ELOVL6: variants seen among roughly 807,000 people sequenced by gnomAD.
The protein encoded by ELOVL6 is very long chain fatty acid elongase 6.
In ELOVL6, 8 loss-of-function variants were observed where a neutral mutation model predicts 31.7. The ratio of observed to expected loss-of-function variants is 0.25; its 90% CI spans 0.15 to 0.45. The LOEUF is 0.45. ELOVL6 is among the 20% of genes least tolerant of loss of function. The probability of loss-of-function intolerance (pLI) is 1.00; values close to 1 mark genes in which losing one functional copy is unlikely to be tolerated. For synonymous variants in ELOVL6, 101 were observed against 117.7 expected, an observed-to-expected ratio of 0.86 and a Z score of 0.92; for missense variants, 126 against 326.4, an observed-to-expected ratio of 0.39 and a Z score of 4.73.
chr4:110,160,085 G>A (rs144024755), intron 1 of ELOVL6, among the ~76,000 whole-genome samples: 37 of 151,882 alleles, frequency 2.4e-4, no homozygotes, highest in Non-Finnish European at 5.0e-4. Flanking sequence ...ATGAGGGTTT[G>A]CTTACAACTT....
chr4:110,135,086 T>G (rs1284565070), intron 1 of ELOVL6, among the ~76,000 whole-genome samples: 1 of 152,196 alleles, frequency 6.6e-6, no homozygotes, highest in Non-Finnish European at 1.5e-5. Context: ...GAACCTAGGA[T>G]ATTCTTCCTT....
chr4:110,174,921 A>G (rs1759054220), intron 1 of ELOVL6, among the ~76,000 whole-genome samples: 1 of 152,158 alleles, frequency 6.6e-6, no homozygotes, highest in Non-Finnish European at 1.5e-5. Flanking sequence ...TATCCTATGT[A>G]TTAACTAATC....
At chr4:110,146,409 A>C (rs1452106663) in intron 1 of ELOVL6, 1 of 152,312 alleles carries the variant, frequency 6.6e-6, no homozygotes, top group Non-Finnish European at 1.5e-5. Context: ...ACCCAGAAAA[A>C]ATCATGCAAA....
chr4:110,097,304 C>CGAA (rs1756609419), intron 2 of ELOVL6, among the ~76,000 whole-genome samples: 1 of 63,924 alleles, frequency 1.6e-5, no homozygotes, highest in Non-Finnish European at 2.7e-5. Flanking sequence ...GACTCCATCT[C>CGAA]CAAAAAAAAA....
chr4:110,125,499 AAAGT>A (rs1194801529), intron 1 of ELOVL6, among the ~76,000 whole-genome samples: 1 of 152,102 alleles, frequency 6.6e-6, no homozygotes, highest in Non-Finnish European at 1.5e-5. Flanking sequence ...AAATTAATAA[AAAGT>A]AATTTTCTTT....
rs147807788 is a variant in ELOVL6, at chr4:110,101,198, C to T, written c.221+4299G>A. On this transcript the variant is annotated intron_variant, in intron 2 of 3. Transcript: ENST00000302274. ...AGGATTACAGGCATGTGCCACCATG[C>T]CTGGCTAATTTTTGTAATTTTAGTA... is the stretch of plus-strand genomic sequence containing the variant. Among the ~76,000 whole-genome samples, 743 of 152,220 alleles carry T rather than the reference C, an allele frequency of 4.9e-3. 8 individuals carry two copies. The highest frequency in any genetic ancestry group is 0.017 in the African/African-American group (706 of 41,544).
intron 2 of ELOVL6, among the ~76,000 whole-genome samples, chr4:110,093,541 T>A (rs1756483040): frequency 6.6e-6 from 1 of 152,208 alleles, no homozygotes; most frequent in Non-Finnish European, 1.5e-5. Context: ...TCACTGTTAT[T>A]TTCTTGGAAA....
chr4:110,185,311 T>A (rs1205115486), intron 1 of ELOVL6, among the ~76,000 whole-genome samples: 2 of 152,156 alleles, frequency 1.3e-5, no homozygotes, highest in Non-Finnish European at 2.9e-5. Context: ...GTCCTTAAAT[T>A]TTGTAGAATG....
At chr4:110,130,717 A>G (rs1757643027) in intron 1 of ELOVL6, among the ~76,000 whole-genome samples, 1 of 152,178 alleles carries the variant, frequency 6.6e-6, no homozygotes, top group Admixed American at 6.6e-5. Context: ...TAAGCAAAAC[A>G]TATCGTGTGG....
rs190575135 is a variant in ELOVL6 at position 110,059,138 on chromosome 4, C to T, written c.373+465G>A. 3.0e-3 allele frequency among the ~76,000 whole-genome samples: 464 copies of T among 152,286 alleles called. 1 individual carries two copies. The highest frequency in any genetic ancestry group is 0.01 in the African/African-American group (436 of 41,556). ...AAAATCAAACACCACCAGAGACCAA[C>T]CCTCAGCATTTGTTAATGAGAACAG... On this transcript the variant is annotated intron_variant, in intron 3 of 3. Transcript: ENST00000302274.
At chr4:110,193,419 A>AC (rs1759683096) in intron 1 of ELOVL6, among the ~76,000 whole-genome samples, 1 of 152,192 alleles carries the variant, frequency 6.6e-6, no homozygotes, top group Non-Finnish European at 1.5e-5. Flanking sequence ...AACCTGACCA[A>AC]CACGGTGAAT....
chr4:110,052,318 C>T (rs1057188116), intron 3 of ELOVL6, among the ~76,000 whole-genome samples: 1 of 152,194 alleles, frequency 6.6e-6, no homozygotes, highest in African/African-American at 2.4e-5. Context: ...ACCCCTCAAA[C>T]ATATATCTTT....
At chr4:110,129,891 A>ATTTTTTTTTTTTTT (rs371838858) in intron 1 of ELOVL6, among the ~76,000 whole-genome samples, 2 of 93,540 alleles carry the variant, frequency 2.1e-5, no homozygotes, top group Non-Finnish European at 3.9e-5. Flanking sequence ...ATCCAATCCA[A>ATTTTTTTTTTTTTT]TTTTTTTTTT....
chr4:110,167,225 T>A (rs1348780949), intron 1 of ELOVL6, among the ~76,000 whole-genome samples: 1 of 152,212 alleles, frequency 6.6e-6, no homozygotes, highest in Non-Finnish European at 1.5e-5. Context: ...AAAAACTTTA[T>A]CCCATCTTCA....
At chr4:110,150,608 AT>A (rs941930757) in intron 1 of ELOVL6, among the ~76,000 whole-genome samples, 7 of 152,216 alleles carry the variant, frequency 4.6e-5, no homozygotes, top group African/African-American at 1.7e-4. Flanking sequence ...AATGCTTAAA[AT>A]TCTAAGAGCA....
intron 2 of ELOVL6, among the ~76,000 whole-genome samples, chr4:110,067,125 G>T (rs532464986): frequency 5.3e-5 from 8 of 152,186 alleles, no homozygotes; most frequent in Non-Finnish European, 1.2e-4. Flanking sequence ...CAGTTAAATC[G>T]GGGCATAGGT....
intron 1 of ELOVL6, among the ~76,000 whole-genome samples, chr4:110,112,150 G>A (rs1757051464): frequency 6.6e-6 from 1 of 152,206 alleles, no homozygotes; most frequent in African/African-American, 2.4e-5. Flanking sequence ...TCTGAGCTGG[G>A]AAGGAAGACA....
Position 110,198,547 on chromosome 4 carries a change from C to G in ELOVL6, c.-212G>C. 3.9e-6 allele frequency: 2 copies of G among 511,968 alleles called. No homozygotes were observed. The highest frequency in any genetic ancestry group is 3.7e-5 in the Admixed American group (1 of 27,368). The allele number at this position is 511,968 out of a possible 1,614,324, so 31.7% of individuals were successfully genotyped here. A position where few individuals can be genotyped will look rare whatever the true frequency, so the allele number is the denominator to read the frequency against. On this transcript the variant is annotated 5_prime_UTR_variant, in exon 1 of 4. Transcript: ENST00000302274. Reference sequence around the variant, plus strand: ...CTGCGCCTCCGCTCCCAGCTCCTCTCTCTGGGGCTCTCCTCCTCCCGGCGT... The same window carrying G: ...CTGCGCCTCCGCTCCCAGCTCCTCTGTCTGGGGCTCTCCTCCTCCCGGCGT...
At chr4:110,179,272 A>G (rs1759204734) in intron 1 of ELOVL6, among the ~76,000 whole-genome samples, 1 of 152,202 alleles carries the variant, frequency 6.6e-6, no homozygotes, top group Non-Finnish European at 1.5e-5. Flanking sequence ...AAGGAGGCTG[A>G]GGTGGATGGA....
Sources: allele counts gnomAD v4.1 joint callset (sites outside exome capture counted in the v4.1 genomes callset), GRCh38; gene constraint gnomAD v4.1.1; transcripts MANE v1.5; gene names NCBI Gene and HGNC (gene_info 2026-07-23, HGNC 2026-07-21).